The following CPNE2 variants were observed in gnomAD, a reference collection of about 807,000 sequenced individuals.
CPNE2 encodes copine 2.
CPNE2 carries 42 observed loss-of-function variants against 69.7 expected under a neutral mutation model. That is an observed-to-expected ratio of 0.60 (90% CI 0.47 to 0.78). The LOEUF is 0.78. Ranked by LOEUF, CPNE2 falls within the 30% of genes least tolerant of loss-of-function variation. The pLI, the probability that CPNE2 is intolerant of heterozygous loss-of-function variation, is 0.00. For synonymous variants in CPNE2, 294 were observed against 289.8 expected, an observed-to-expected ratio of 1.01 and a Z score of -0.15; for missense variants, 587 against 732.0, an observed-to-expected ratio of 0.80 and a Z score of 2.29.
rs762220426 is a variant in CPNE2 at position 57,110,898 on chromosome 16, AGAG to A, written c.157_159del (p.Glu53del). ...CCGACCCCTTCTGTGTCCTCTTTACAGAGAACAATGGCAGATGGATCGAGGTGA... is the reference window on the plus strand; with the variant it reads ...CCGACCCCTTCTGTGTCCTCTTTACAAACAATGGCAGATGGATCGAGGTGA... On this transcript the variant is annotated inframe_deletion, in exon 2 of 16. Coordinates refer to ENST00000290776, the MANE Select transcript of CPNE2 (RefSeq NM_152727.6). 2.5e-6 allele frequency: 4 copies of A among 1,612,432 alleles called. No homozygotes were observed. The African/African-American group carries it at 5.4e-5, about 22-fold the overall frequency.
At chr16:57,093,540 G>A (rs1315658693) in intron 1 of CPNE2, among the ~76,000 whole-genome samples, 5 of 151,982 alleles carry the variant, frequency 3.3e-5, no homozygotes, top group African/African-American at 9.7e-5. Flanking sequence ...GTCCCCCCGA[G>A]TTCAAGAAGC....
intron 4 of CPNE2, among the ~76,000 whole-genome samples, chr16:57,116,319 C>T (rs1350208248): frequency 6.6e-6 from 1 of 152,138 alleles, no homozygotes; most frequent in Non-Finnish European, 1.5e-5. Context: ...CAGGCTCTTA[C>T]TCTGTTCCTG....
chr16:57,134,675 C>A (rs1434118060), intron 12 of CPNE2, 100 bp from the exon 13 acceptor site: 6 of 1,276,888 alleles, frequency 4.7e-6, no homozygotes, highest in Admixed American at 1.7e-5. Flanking sequence ...GGGTTATGAG[C>A]CGGTGCTCTC....
chr16:57,093,211 C>G (rs1176461435), intron 1 of CPNE2, among the ~76,000 whole-genome samples: 1 of 152,066 alleles, frequency 6.6e-6, no homozygotes, highest in Admixed American at 6.5e-5. Context: ...CCCCTCTGCC[C>G]TCCTCCCACC....
intron 14 of CPNE2, chr16:57,142,874 A>G (rs1344383727): frequency 1.3e-5 from 2 of 152,254 alleles, no homozygotes; most frequent in African/African-American, 4.8e-5. Context: ...ATCAAACGTT[A>G]AATGCATTAG....
At chr16:57,131,819 T>G (rs1418081696) in intron 12 of CPNE2, among the ~76,000 whole-genome samples, 4 of 152,088 alleles carry the variant, frequency 2.6e-5, no homozygotes, top group Non-Finnish European at 4.4e-5. Context: ...CCTTTGCACA[T>G]GGCCTTCACT....
intron 11 of CPNE2, 120 bp from the exon 12 acceptor site, chr16:57,127,729 G>C (rs759956221): frequency 1.0e-6 from 1 of 958,088 alleles, no homozygotes; most frequent in Non-Finnish European, 1.6e-6. Flanking sequence ...TTCTAGAGGT[G>C]GTGAGCTCCT....
chr16:57,106,821 G>A (rs1449719222), intron 1 of CPNE2, among the ~76,000 whole-genome samples: 5 of 152,172 alleles, frequency 3.3e-5, no homozygotes, highest in Admixed American at 6.5e-5. Context: ...GTGTTCAAAT[G>A]GGGGAATGCC....
chr16:57,110,693 C>A lies in CPNE2; in HGVS notation c.-35-15C>A. 6.7e-7 allele frequency: 1 copy of A among 1,499,442 alleles called. No homozygotes were observed. The allele number at this position is 1,499,442 out of a possible 1,614,324, so 92.9% of individuals were successfully genotyped here. ...GTGTCTGTCCACTCTCTGACCCTCA[C>A]TTCTGTTCCCCTAGACTGCCAGGAA... is the stretch of plus-strand genomic sequence containing the variant. On this transcript the variant is annotated splice_polypyrimidine_tract_variant and intron_variant, in intron 1 of 15. Transcript: ENST00000290776.
At position 57,130,445 on chromosome 16, in the gene CPNE2, G is replaced by A. The variant is rs112509620; in HGVS notation, c.1116+2542G>A. ...GGCAGATGAAGCGGAGACTGAGCCC[G>A]GGGGCAGAGCAGGGAGGAAGTGAAG... On this transcript the variant is annotated intron_variant, in intron 12 of 15. Coordinates refer to ENST00000290776, the MANE Select transcript of CPNE2 (RefSeq NM_152727.6). This position sits in a 1 kb window ranked among gnomAD's most constrained non-coding sequence, Gnocchi z 4.1. 0.026 allele frequency among the ~76,000 whole-genome samples: 3,956 copies of A among 152,168 alleles called. 151 individuals carry two copies. The highest frequency in any genetic ancestry group is 0.088 in the African/African-American group (3,658 of 41,498).
Position 57,123,493 on chromosome 16 carries a change from C to T in CPNE2, c.927+20C>T. The T allele has an allele frequency of 6.2e-7, 1 of 1,612,052 alleles. No individual in the cohort carries two copies. Among genetic ancestry groups the T allele is most frequent in the Non-Finnish European group, 8.5e-7 (1 of 1,179,608 alleles). On this transcript the variant is annotated intron_variant, in intron 10 of 15. Coordinates refer to ENST00000290776, the MANE Select transcript of CPNE2 (RefSeq NM_152727.6). ...TTCACCGTAAGGCTCTCCCCGCTGG[C>T]TCCCTCTGCACCCCCATCCCAGTGA...
chr16:57,121,298 C>A, intron 8 of CPNE2, 107 bp downstream of exon 8: 1 of 888,574 alleles, frequency 1.1e-6, no homozygotes, highest in South Asian at 1.6e-5. Context: ...CTTCTGGCTG[C>A]ATGACCTTGA....
At chr16:57,113,565 TG>T in intron 3 of CPNE2, 98 bp downstream of exon 3, 1 of 1,297,786 alleles carries the variant, frequency 7.7e-7, no homozygotes, top group Non-Finnish European at 1.0e-6. Flanking sequence ...CCCATCTTCC[TG>T]GGTGGGTCCC....
chr16:57,130,662 T>C lies in CPNE2; in HGVS notation c.1116+2759T>C, dbSNP rs1181592161. Among the ~76,000 whole-genome samples the C allele has an allele frequency of 2.7e-5, 4 of 150,866 alleles. No individual in the cohort carries two copies. Among genetic ancestry groups the C allele is most frequent in the African/African-American group, 9.8e-5 (4 of 40,962 alleles). ...AGGGCTCGGGGAGGAGGGAGTGGGG[T>C]TGGAGGCTGCCCCTGGGCCTGGTGA... On this transcript the variant is annotated intron_variant, in intron 12 of 15. Coordinates refer to ENST00000290776, the MANE Select transcript of CPNE2 (RefSeq NM_152727.6). The surrounding 1 kb of genome is among the most constrained non-coding windows in gnomAD (Gnocchi z 4.1).
In CPNE2 at chr16:57,130,366, A is replaced by C. The variant is rs1468614786; in HGVS notation, c.1116+2463A>C. 6.6e-6 allele frequency among the ~76,000 whole-genome samples: 1 copy of C among 151,964 alleles called. No individual in the cohort carries two copies. Among genetic ancestry groups the C allele is most frequent in the African/African-American group, 2.4e-5 (1 of 41,374 alleles). On this transcript the variant is annotated intron_variant, in intron 12 of 15. Transcript: ENST00000290776. The surrounding 1 kb of genome is among the most constrained non-coding windows in gnomAD (Gnocchi z 4.1). ...CAGAGTGAGACTCTGTCTCTAAAAA[A>C]TTAATTAATTAATTAATTAAAATAA...
At chr16:57,113,240 G>T (rs1597493983) in intron 2 of CPNE2, 48 bp from the exon 3 acceptor site, 1 of 1,580,786 alleles carries the variant, frequency 6.3e-7, no homozygotes, top group African/African-American at 1.3e-5. Context: ...GCGAGGTCTT[G>T]GACCAGCTGC....
Position 57,126,018 on chromosome 16 carries a change from G to A in CPNE2, c.1061+25G>A, listed in dbSNP as rs375002363. ...GGTAAGGTTGGAGAGGGGCTCTGAA[G>A]GTCAGCTAGGGTTCCATCCAACCTG... On this transcript the variant is annotated intron_variant, in intron 11 of 15. Coordinates refer to ENST00000290776, the MANE Select transcript of CPNE2 (RefSeq NM_152727.6). 3.0e-5 allele frequency: 48 copies of A among 1,612,732 alleles called. No homozygotes were observed. The African/African-American group carries it at 6.3e-4, about 21-fold the overall frequency.
intron 1 of CPNE2, among the ~76,000 whole-genome samples, chr16:57,109,943 T>G (rs1019942600): frequency 1.2e-4 from 18 of 152,184 alleles, no homozygotes; most frequent in Non-Finnish European, 2.6e-4. Flanking sequence ...AGAAGTGAGC[T>G]TCCTAGTGGC....
At chr16:57,113,149 T>C (rs2069692318) in intron 2 of CPNE2, 139 bp from the exon 3 acceptor site, 3 of 729,170 alleles carry the variant, frequency 4.1e-6, no homozygotes, top group Non-Finnish European at 6.8e-6. Flanking sequence ...GAGCTGGGGA[T>C]AGTGAGTCAC....
Sources: gnomAD v4.1 joint callset for allele counts (sites outside exome capture counted in the v4.1 genomes callset) on GRCh38, gnomAD v4.1.1 for gene constraint, Gnocchi (gnomAD v3.1) non-coding constraint, MANE v1.5 for transcripts, NCBI Gene and HGNC (gene_info 2026-07-23, HGNC 2026-07-21) for gene names.